Variants in LRP5 observed in about 807,000 individuals in gnomAD.
LRP5 encodes the protein LDL receptor related protein 5.
LRP5 carries 62 observed loss-of-function variants against 154.1 expected under a neutral mutation model. The ratio of observed to expected loss-of-function variants is 0.40; its 90% confidence interval spans 0.33 to 0.50. The LOEUF (loss-of-function observed/expected upper bound fraction) is 0.50. LRP5 is among the 20% of genes least tolerant of loss of function. The pLI is 0.55. For missense variants in LRP5, 1,915 were observed against 2,336.7 expected (o/e 0.82, Z 3.72); for synonymous variants, 966 against 1,011.5 (o/e 0.96, Z 0.85).
At chr11:68,317,944 C>T (rs1426227287) in intron 1 of LRP5, among the ~76,000 whole-genome samples, 10 of 151,364 alleles carry the variant, frequency 6.6e-5, no homozygotes, top group Admixed American at 6.6e-4. Flanking sequence ...CCTGGGGGTG[C>T]GGGGATTGTG....
intron 3 of LRP5, among the ~76,000 whole-genome samples, chr11:68,358,710 T>G (rs1316731804): frequency 6.6e-6 from 1 of 152,256 alleles, no homozygotes; most frequent in Non-Finnish European, 1.5e-5. Context: ...CCTCGTTGGT[T>G]AATTGCTTTT....
At chr11:68,437,528 G>C (rs986559896) in intron 19 of LRP5, among the ~76,000 whole-genome samples, 4 of 152,226 alleles carry the variant, frequency 2.6e-5, no homozygotes, top group African/African-American at 9.6e-5. Flanking sequence ...CTCCTGAAAG[G>C]CTGTCTGATT....
intron 1 of LRP5, among the ~76,000 whole-genome samples, chr11:68,340,845 C>G (rs1211046445): frequency 6.6e-6 from 1 of 152,114 alleles, no homozygotes; most frequent in Admixed American, 6.5e-5. Flanking sequence ...AATGAGGCCA[C>G]CTTTACTTTT....
rs151034972 is a variant in LRP5, at chr11:68,408,894, T to C, written c.2092-1020T>C. Among the ~76,000 whole-genome samples, 1,492 of 150,726 alleles carry C rather than the reference T, an allele frequency of 9.9e-3. 21 individuals carry two copies. Among genetic ancestry groups the C allele is most frequent in the African/African-American group, 0.035 (1,414 of 40,798 alleles). On this transcript the variant is annotated intron_variant, in intron 9 of 22. Transcript: ENST00000294304. ...GAGACCCCATCTCTACAAAAAACTT[T>C]TTTAATAAGTCGGGCGTAGTGGTGC...
At chr11:68,328,582 G>A (rs1168958340) in intron 1 of LRP5, among the ~76,000 whole-genome samples, 1 of 152,168 alleles carries the variant, frequency 6.6e-6, no homozygotes, top group African/African-American at 2.4e-5. Flanking sequence ...TGGAAACCAC[G>A]AGTCTGTGCC....
chr11:68,348,486 G>T (rs187812870), intron 2 of LRP5, among the ~76,000 whole-genome samples: 19 of 139,744 alleles, frequency 1.4e-4, no homozygotes, highest in Non-Finnish European at 2.5e-4. Context: ...ATGAACCCGT[G>T]GGGGGGTTGG....
intron 3 of LRP5, among the ~76,000 whole-genome samples, chr11:68,361,435 G>A (rs913067357): frequency 6.6e-6 from 1 of 152,100 alleles, no homozygotes; most frequent in Non-Finnish European, 1.5e-5. Context: ...AGGAGATCGA[G>A]ACCATCCTGG....
chr11:68,372,291 C>T (rs1265178376), intron 5 of LRP5, among the ~76,000 whole-genome samples: 7 of 139,098 alleles, frequency 5.0e-5, no homozygotes, highest in South Asian at 2.4e-4. Context: ...CAGGCAGACC[C>T]GGGACTGTGG....
At position 68,438,431 on chromosome 11, in the gene LRP5, G is replaced by GT. The variant is rs777559354; in HGVS notation, c.4112-12dup. 6.2e-7 allele frequency: 1 copy of GT among 1,612,640 alleles called. No individual in the cohort carries two copies. The highest frequency in any genetic ancestry group is 1.7e-5 in the Admixed American group (1 of 60,030). ...GGGTTAATGTTGGCCACCTCTTTCTGTTTGTCTCTGGCAGAAATCACCAAG... is the reference window on the plus strand; with the variant it reads ...GGGTTAATGTTGGCCACCTCTTTCTGTTTTGTCTCTGGCAGAAATCACCAAG... On this transcript the variant is annotated splice_polypyrimidine_tract_variant and intron_variant, in intron 19 of 22. Coordinates refer to ENST00000294304, the MANE Select transcript of LRP5 (RefSeq NM_002335.4).
chr11:68,316,942 G>T (rs2098593754), intron 1 of LRP5, among the ~76,000 whole-genome samples: 3 of 152,270 alleles, frequency 2.0e-5, no homozygotes, highest in African/African-American at 7.2e-5. Context: ...CACTTAATGC[G>T]CTCTCCAAAT....
At chr11:68,316,330 G>A (rs918734991) in intron 1 of LRP5, among the ~76,000 whole-genome samples, 1 of 151,972 alleles carries the variant, frequency 6.6e-6, no homozygotes, top group African/African-American at 2.4e-5. Context: ...GGAGTGCGGT[G>A]GTGCGATCTT....
chr11:68,304,488 A>C, the LRP5 span, among the ~76,000 whole-genome samples: 1 of 152,250 alleles, frequency 6.6e-6, no homozygotes, highest in Non-Finnish European at 1.5e-5. Context: ...TGGAGGCCCC[A>C]CATAGAGTCC....
chr11:68,434,468 C>G (rs1467680651), intron 18 of LRP5, among the ~76,000 whole-genome samples: 2 of 152,080 alleles, frequency 1.3e-5, no homozygotes. Context: ...CAACCTCTGC[C>G]TCCAGGGTTC....
Position 68,413,859 on chromosome 11 carries a change from A to G in LRP5, c.2674A>G (p.Ile892Val), listed in dbSNP as rs2098660986. Residue 892 changes from isoleucine to valine, a missense_variant, in exon 12 of 23, where the codon ATC becomes GTC. Around this residue, in one of 3 missense-constraint regions of LRP5, gnomAD observed 1,094 missense variants for 1,210.1 expected, o/e 0.90. Coordinates refer to ENST00000294304, the MANE Select transcript of LRP5 (RefSeq NM_002335.4). This position sits in a 1 kb window ranked among gnomAD's most constrained non-coding sequence, Gnocchi z 5.1. ...GGGCCACCTGGACTTCGTGATGGAC[A>G]TCCTGGTGTTCCACTCCTCCCGCCA... Reference protein sequence around the residue: ...IQGHLDFVMDILVFHSSRQDG... With the variant: ...IQGHLDFVMDVLVFHSSRQDG... 1 of 1,613,592 alleles carries G rather than the reference A, an allele frequency of 6.2e-7. No homozygotes were observed.
chr11:68,322,690 C>T (rs1055367068), intron 1 of LRP5, among the ~76,000 whole-genome samples: 1 of 152,272 alleles, frequency 6.6e-6, no homozygotes, highest in Admixed American at 6.5e-5. Flanking sequence ...GTTCTGAGGC[C>T]AAGGCCTCAT....
rs1171623131 is a variant in LRP5, at chr11:68,443,489, C to CAA, written c.4489-2930_4489-2929dup. ...TGGGCGACAGAGCGAGACTCTGTCT[C>CAA]AAAAAAAAAAAAAAAAAAGAAAAGA... On this transcript the variant is annotated intron_variant, in intron 21 of 22. Coordinates refer to ENST00000294304, the MANE Select transcript of LRP5 (RefSeq NM_002335.4). Among the ~76,000 whole-genome samples, 10 of 21,972 alleles carry CAA rather than the reference C, an allele frequency of 4.6e-4. 1 individual carries two copies. Among genetic ancestry groups the CAA allele is most frequent in the African/African-American group, 2.0e-3 (10 of 5,118 alleles). 14.4% of individuals were successfully genotyped at this position (21,972 alleles called of 152,430 possible).
At position 68,347,986 on chromosome 11, in the gene LRP5, G is replaced by A. The variant is rs987727844; in HGVS notation, c.231G>A (p.Val77=). 1 of 1,614,060 alleles carries A rather than the reference G, an allele frequency of 6.2e-7. No individual in the cohort carries two copies. Among genetic ancestry groups the A allele is most frequent in the Non-Finnish European group, 8.5e-7 (1 of 1,180,038 alleles). ...AVDFQFSKGA[V]YWTDVSEEAI... ...ACTTCCAGTTTTCCAAGGGAGCCGT[G>A]TACTGGACAGACGTGAGCGAGGAGG... is the stretch of plus-strand genomic sequence containing the variant. The change falls in exon 2 of 23, where the codon GTG becomes GTA. Residue 77 remains valine (V), a synonymous_variant. Coordinates refer to ENST00000294304, the MANE Select transcript of LRP5 (RefSeq NM_002335.4).
At chr11:68,322,287 G>T (rs945977356) in intron 1 of LRP5, among the ~76,000 whole-genome samples, 9 of 152,158 alleles carry the variant, frequency 5.9e-5, no homozygotes, top group Non-Finnish European at 8.8e-5. Flanking sequence ...TTACCTACAG[G>T]CCCTGCGGTG....
chr11:68,403,533 C>T lies in LRP5; in HGVS notation c.1635C>T (p.Leu545=), dbSNP rs764112300. ...GGCGGACCCTCCTGGAGGACAAGCT[C>T]CCGCACATTTTTGGGTTCACGCTGC... The part of the protein sequence containing the change: ...TKRRTLLEDK[L]PHIFGFTLLG... Residue 545 remains leucine (L), a synonymous_variant, in exon 8 of 23, where the codon CTC becomes CTT. Transcript: ENST00000294304. The T allele has an allele frequency of 2.5e-6, 4 of 1,614,044 alleles. No homozygotes were observed. The highest frequency in any genetic ancestry group is 2.7e-5 in the African/African-American group (2 of 74,916).
Sources: gnomAD v4.1 joint callset for allele counts (sites outside exome capture counted in the v4.1 genomes callset) on GRCh38, gnomAD v4.1.1 for gene constraint, gnomAD v4.1.1 regional missense constraint, Gnocchi (gnomAD v3.1) non-coding constraint, MANE v1.5 for transcripts, NCBI Gene and HGNC (gene_info 2026-07-23, HGNC 2026-07-21) for gene names.